The following FRMD4A variants were observed in gnomAD, a reference collection of about 807,000 sequenced individuals.
FRMD4A encodes FERM domain containing 4A, also known as FERM domain-containing protein 4A.
Under a neutral mutation model 129.1 loss-of-function variants are expected in FRMD4A, and 29 were observed. The observed-to-expected ratio is 0.22, with a 90% CI of 0.17 to 0.31. The LOEUF (loss-of-function observed/expected upper bound fraction) is 0.31. Among genes scored for constraint, FRMD4A ranks in the 10% least tolerant of loss-of-function variants. The pLI is 1.00. For missense variants in FRMD4A, 1,272 were observed against 1,375.8 expected, an observed-to-expected ratio of 0.92 and a Z score of 1.19; for synonymous variants, 634 against 571.6, an observed-to-expected ratio of 1.11 and a Z score of -1.56.
intron 2 of FRMD4A, among the ~76,000 whole-genome samples, chr10:14,128,094 TTCTTTC>T (rs1839024397): frequency 1.0e-5 from 1 of 97,040 alleles, no homozygotes; most frequent in Non-Finnish European, 2.1e-5. Context: ...CTTTCTTTCT[TTCTTTC>T]TTTCTTTTCT....
chr10:13,851,741 A>G (rs1564911590), intron 3 of FRMD4A, among the ~76,000 whole-genome samples: 1 of 151,754 alleles, frequency 6.6e-6, no homozygotes, highest in Non-Finnish European at 1.5e-5. Context: ...CTCTACTAAA[A>G]ATACAAAAAT....
At chr10:14,049,681 C>T (rs1232254667) in intron 2 of FRMD4A, among the ~76,000 whole-genome samples, 1 of 152,048 alleles carries the variant, frequency 6.6e-6, no homozygotes, top group Non-Finnish European at 1.5e-5. Flanking sequence ...ATGGCAAAAC[C>T]CTGTCTCTAC....
chr10:13,700,350 G>A (rs1238571250), intron 14 of FRMD4A, among the ~76,000 whole-genome samples: 1 of 152,062 alleles, frequency 6.6e-6, no homozygotes, highest in African/African-American at 2.4e-5. Context: ...GGATAAGATG[G>A]CAAAAGAGAA....
In FRMD4A at chr10:14,277,768, G is replaced by A. The variant is rs372506166; in HGVS notation, c.45+52290C>T. 1.3e-4 allele frequency among the ~76,000 whole-genome samples: 20 copies of A among 152,278 alleles called. No individual in the cohort carries two copies. The South Asian group carries it at 4.1e-3, about 32-fold the overall frequency. On this transcript the variant is annotated intron_variant, in intron 2 of 24. Transcript: ENST00000357447. The stretch of plus-strand genomic sequence containing the variant: ...CCGAGTTGCCTACTGAAGACACTCT[G>A]CTGATTCTTAAGTTCTTTGCCTACT...
chr10:14,028,360 T>C (rs1833078799), intron 2 of FRMD4A, among the ~76,000 whole-genome samples: 2 of 152,158 alleles, frequency 1.3e-5, no homozygotes, highest in Admixed American at 6.5e-5. Context: ...TCTTACATTA[T>C]TTTTTCTTGG....
chr10:14,230,373 C>G (rs1460203402), intron 2 of FRMD4A, among the ~76,000 whole-genome samples: 2 of 152,174 alleles, frequency 1.3e-5, no homozygotes, highest in Non-Finnish European at 2.9e-5. Context: ...GTGCAAATTT[C>G]TTTAGCTATT....
rs781661600 is a variant in FRMD4A at position 13,666,204 on chromosome 10, G to C, written c.1496C>G (p.Ser499Trp). The change falls in exon 18 of 25, where the codon TCG becomes TGG. Residue 499 changes from serine (S) to tryptophan (W), a missense_variant. By Grantham distance (177) the Ser-to-Trp change is radical. Around this residue, in one of 2 missense-constraint regions of FRMD4A, gnomAD observed 972 missense variants for 892.3 expected, o/e 1.09. Transcript: ENST00000357447. ...SKKLKKQRKT[S>W]YLNALKKLQE... Reference sequence around the variant, plus strand: ...CAGTTTCTTCAGTGCATTCAGATACGAGGTTTTCCTTTGTTTCTTCAGTTT... The same window carrying C: ...CAGTTTCTTCAGTGCATTCAGATACCAGGTTTTCCTTTGTTTCTTCAGTTT... 6.2e-7 allele frequency: 1 copy of C among 1,613,246 alleles called. No homozygotes were observed. Among genetic ancestry groups the C allele is most frequent in the Non-Finnish European group, 8.5e-7 (1 of 1,179,204 alleles).
intron 14 of FRMD4A, among the ~76,000 whole-genome samples, chr10:13,698,202 C>A (rs1271379060): frequency 2.0e-5 from 3 of 152,188 alleles, no homozygotes; most frequent in Non-Finnish European, 4.4e-5. Context: ...CCTGAACCCT[C>A]ATGGCTCCCT....
In FRMD4A at chr10:14,019,895, G is replaced by A. The variant is rs180783013; in HGVS notation, c.46-160983C>T. ...TCAGGAAACCTGCTTGATTTCCTCT[G>A]TTTCTTTTTTTCCTTTGGGGTGCGT... On this transcript the variant is annotated intron_variant, in intron 2 of 24. Transcript: ENST00000357447. Among the ~76,000 whole-genome samples, 1,204 of 152,226 alleles carry A rather than the reference G, an allele frequency of 7.9e-3. 13 individuals are homozygous for A. The highest frequency in any genetic ancestry group is 0.028 in the African/African-American group (1,142 of 41,494).
rs372420987 is a variant in FRMD4A at position 14,110,125 on chromosome 10, T to TTAAAAAAAAAAAAAAAAAAA, written c.45+219932_45+219933insTTTTTTTTTTTTTTTTTTTA. Among the ~76,000 whole-genome samples, 82 of 89,550 alleles carry TTAAAAAAAAAAAAAAAAAAA rather than the reference T, an allele frequency of 9.2e-4. 19 individuals are homozygous for TTAAAAAAAAAAAAAAAAAAA. Among genetic ancestry groups the TTAAAAAAAAAAAAAAAAAAA allele is most frequent in the East Asian group, 3.8e-3 (11 of 2,866 alleles). The allele number at this position is 89,550 out of a possible 152,430, so 58.7% of individuals were successfully genotyped here. The stretch of plus-strand genomic sequence containing the variant: ...GGCTGGGCAACAAAGCGAGATGCTG[T>TTAAAAAAAAAAAAAAAAAAA]AAAAAAAAAAAAAAAAAAAAAAGCT... On this transcript the variant is annotated intron_variant, in intron 2 of 24. Transcript: ENST00000357447.
At chr10:14,001,882 G>A (rs550164761) in intron 2 of FRMD4A, among the ~76,000 whole-genome samples, 56 of 152,332 alleles carry the variant, frequency 3.7e-4, no homozygotes, top group African/African-American at 1.3e-3. Context: ...TCCACTGAAA[G>A]CCGTCTGCTG....
chr10:13,887,405 G>A (rs2094636170), intron 2 of FRMD4A, among the ~76,000 whole-genome samples: 2 of 152,224 alleles, frequency 1.3e-5, no homozygotes, highest in Admixed American at 1.3e-4. Flanking sequence ...CTGAGGCCGG[G>A]GGCGGTGGCT....
chr10:14,314,960 A>T (rs76615680), intron 2 of FRMD4A, among the ~76,000 whole-genome samples: 1 of 133,412 alleles, frequency 7.5e-6, no homozygotes, highest in African/African-American at 2.7e-5. Context: ...TTTTTTTTTT[A>T]ATTTTTACTT....
chr10:14,220,873 G>A (rs559689426), intron 2 of FRMD4A, among the ~76,000 whole-genome samples: 11 of 151,858 alleles, frequency 7.2e-5, no homozygotes, highest in African/African-American at 2.4e-4. Flanking sequence ...GAGGCAGGTG[G>A]TATCAGGGAC....
intron 2 of FRMD4A, among the ~76,000 whole-genome samples, chr10:14,272,459 G>A (rs1020755377): frequency 3.9e-5 from 6 of 152,144 alleles, no homozygotes; most frequent in Non-Finnish European, 8.8e-5. Context: ...GAAAGATGAC[G>A]AAATGGAGGT....
intron 8 of FRMD4A, among the ~76,000 whole-genome samples, chr10:13,759,229 G>A (rs781131138): frequency 7.2e-5 from 11 of 152,182 alleles, no homozygotes; most frequent in African/African-American, 2.7e-4. Context: ...AGACAGCTGC[G>A]CTTACAAACA....
chr10:13,747,859 G>C (rs367902967), intron 8 of FRMD4A, 40 bp from the exon 9 acceptor site: 7 of 1,093,912 alleles, frequency 6.4e-6, no homozygotes, highest in Non-Finnish European at 9.9e-6. Context: ...CACCCTCTGA[G>C]AAAATAATCG....
At chr10:14,009,175 A>G (rs145441616) in intron 2 of FRMD4A, among the ~76,000 whole-genome samples, 5 of 152,318 alleles carry the variant, frequency 3.3e-5, no homozygotes, top group African/African-American at 1.2e-4. Context: ...AAATGGTCTC[A>G]AACGTTAACT....
At chr10:13,803,773 T>C (rs2093306624) in intron 4 of FRMD4A, among the ~76,000 whole-genome samples, 1 of 152,150 alleles carries the variant, frequency 6.6e-6, no homozygotes, top group African/African-American at 2.4e-5. Flanking sequence ...TAAATAAATA[T>C]TTGTTAAGAG....
Sources: allele counts gnomAD v4.1 joint callset (sites outside exome capture counted in the v4.1 genomes callset), GRCh38; gene constraint gnomAD v4.1.1; regional missense constraint gnomAD v4.1.1; transcripts MANE v1.5; gene names NCBI Gene and HGNC (gene_info 2026-07-23, HGNC 2026-07-21).